TWSG1: variants seen among roughly 807,000 people sequenced by gnomAD.
TWSG1 encodes the protein twisted gastrulation protein homolog 1.
Under a neutral mutation model 23.0 loss-of-function variants are expected in TWSG1, and 15 were observed. The ratio of observed to expected loss-of-function variants is 0.65; its 90% CI spans 0.44 to 1.00. The LOEUF (loss-of-function observed/expected upper bound fraction) is 1.00. Among genes scored for constraint, TWSG1 ranks in the 50% least tolerant of loss-of-function variants. The pLI is 0.00. For missense variants in TWSG1, 242 were observed against 278.7 expected (o/e 0.87, Z 0.94); for synonymous variants, 86 against 92.8 (o/e 0.93, Z 0.42).
chr18:9,346,251 TTTTA>T (rs1468579376), intron 2 of TWSG1, among the ~76,000 whole-genome samples: 1 of 152,244 alleles, frequency 6.6e-6, no homozygotes, highest in Non-Finnish European at 1.5e-5. Flanking sequence ...GAATGTAGCC[TTTTA>T]AAAGGGGCTT....
chr18:9,391,842 C>T (rs2040714527), intron 3 of TWSG1, among the ~76,000 whole-genome samples: 1 of 152,202 alleles, frequency 6.6e-6, no homozygotes, highest in African/African-American at 2.4e-5. Flanking sequence ...CAACATTAAT[C>T]CCCTTGTACG....
Position 9,360,020 on chromosome 18 carries a change from G to GTT in TWSG1, c.172_173insTT (p.Glu58ValfsTer58), listed in dbSNP as rs1568033974. ...AGAAGGCAATTGCTCCTGCTGTAAGGAGTGCATGCTGTGTCTTGGGGCCCT... is the reference window on the plus strand; with the variant it reads ...AGAAGGCAATTGCTCCTGCTGTAAGGTTAGTGCATGCTGTGTCTTGGGGCCCT... On this transcript the variant is annotated frameshift_variant, in exon 3 of 5. Coordinates refer to ENST00000262120, the MANE Select transcript of TWSG1 (RefSeq NM_020648.6). LOFTEE classifies it high-confidence loss of function. 2 of 1,613,624 alleles carry GTT rather than the reference G, an allele frequency of 1.2e-6. No homozygotes were observed. Among genetic ancestry groups the GTT allele is most frequent in the Non-Finnish European group, 1.7e-6 (2 of 1,179,758 alleles).
intron 3 of TWSG1, among the ~76,000 whole-genome samples, chr18:9,382,814 A>AAAAAAAAAC (rs372801301): frequency 1.5e-5 from 2 of 137,064 alleles, no homozygotes; most frequent in Admixed American, 7.5e-5. Flanking sequence ...CTCAAAAAAA[A>AAAAAAAAAC]AAAAACAAAA....
intron 1 of TWSG1, among the ~76,000 whole-genome samples, chr18:9,336,884 T>C (rs1345301436): frequency 6.6e-6 from 1 of 152,210 alleles, no homozygotes; most frequent in African/African-American, 2.4e-5. Flanking sequence ...ATATAATCTT[T>C]CATTGAGAAT....
chr18:9,382,183 G>C (rs1274570120), intron 3 of TWSG1, among the ~76,000 whole-genome samples: 1 of 151,658 alleles, frequency 6.6e-6, no homozygotes, highest in Non-Finnish European at 1.5e-5. Flanking sequence ...TAACTTTTGG[G>C]AAAGTTAACC....
At chr18:9,381,649 G>A (rs2145624958) in intron 3 of TWSG1, among the ~76,000 whole-genome samples, 2 of 152,212 alleles carry the variant, frequency 1.3e-5, no homozygotes, top group South Asian at 4.1e-4. Flanking sequence ...ATTACTACTT[G>A]AACATATCCT....
chr18:9,364,477 C>T (rs1392753423), intron 3 of TWSG1, among the ~76,000 whole-genome samples: 1 of 152,094 alleles, frequency 6.6e-6, no homozygotes, highest in East Asian at 1.9e-4. Context: ...ATGACCATTG[C>T]CTGAGTCAGC....
chr18:9,398,527 G>A (rs1417890589), intron 4 of TWSG1, among the ~76,000 whole-genome samples: 5 of 151,878 alleles, frequency 3.3e-5, no homozygotes, highest in Non-Finnish European at 5.9e-5. Context: ...GCGCAATCTC[G>A]GCTCACTGCA....
At chr18:9,393,653 G>A (rs1008981772) in intron 3 of TWSG1, among the ~76,000 whole-genome samples, 4 of 152,078 alleles carry the variant, frequency 2.6e-5, no homozygotes, top group Admixed American at 6.6e-5. Context: ...GAATTCCAGG[G>A]CTCAAGTGAT....
intron 3 of TWSG1, among the ~76,000 whole-genome samples, chr18:9,375,256 G>A (rs1206344027): frequency 1.4e-5 from 2 of 147,692 alleles, no homozygotes; most frequent in Non-Finnish European, 3.0e-5. Flanking sequence ...TATATCAATA[G>A]ATGCAGAAAA....
intron 3 of TWSG1, among the ~76,000 whole-genome samples, chr18:9,366,289 A>G (rs1192937313): frequency 1.3e-5 from 2 of 152,180 alleles, no homozygotes; most frequent in Non-Finnish European, 2.9e-5. Flanking sequence ...ATACCAACTC[A>G]TAGATCCTAG....
intron 2 of TWSG1, among the ~76,000 whole-genome samples, chr18:9,340,367 CA>C (rs775837207): frequency 0.14 from 9,382 of 67,194 alleles, 126 homozygotes; most frequent in Middle Eastern, 0.31. Context: ...GACTCCATTT[CA>C]AAAAAAAAAA....
intron 2 of TWSG1, among the ~76,000 whole-genome samples, chr18:9,341,632 C>T (rs2040446620): frequency 6.6e-6 from 1 of 152,080 alleles, no homozygotes; most frequent in Non-Finnish European, 1.5e-5. Context: ...CTTCCCACTC[C>T]TGCCCTGCCA....
At position 9,388,276 on chromosome 18, in the gene TWSG1, G is replaced by C. The variant is rs1301216400; in HGVS notation, c.224-8004G>C. On this transcript the variant is annotated intron_variant, in intron 3 of 4. Transcript: ENST00000262120. ...GTCATGCCATGTGAAATGTAGCATG[G>C]TTTTCACTGTTTTATGAAGTTCAAA... is the stretch of plus-strand genomic sequence containing the variant. 1.7e-4 allele frequency: 26 copies of C among 152,178 alleles called. 1 individual carries two copies. The highest frequency in any genetic ancestry group is 3.7e-4 in the Non-Finnish European group (25 of 68,034). 9.4% of individuals were successfully genotyped at this position (152,178 alleles called of 1,614,324 possible).
Position 9,396,415 on chromosome 18 carries a change from C to T in TWSG1, c.359C>T (p.Ser120Phe). ...ACTCAGTTGAATTGGAACATCGTTTCTTTCCCTGTTGCAGAAGAACTTTCA... is the reference window on the plus strand; with the variant it reads ...ACTCAGTTGAATTGGAACATCGTTTTTTTCCCTGTTGCAGAAGAACTTTCA... ...GDTQLNWNIV[S>F]FPVAEELSHH... Residue 120 changes from serine to phenylalanine, a missense_variant, in exon 4 of 5, where the codon TCT becomes TTT. Physicochemically the swap from Ser to Phe is radical, Grantham distance 155 (BLOSUM62 -2). Coordinates refer to ENST00000262120, the MANE Select transcript of TWSG1 (RefSeq NM_020648.6). 6.2e-7 allele frequency: 1 copy of T among 1,614,186 alleles called. No individual in the cohort carries two copies. Among genetic ancestry groups the T allele is most frequent in the Non-Finnish European group, 8.5e-7 (1 of 1,180,040 alleles).
At chr18:9,336,745 T>C (rs1270301495) in intron 1 of TWSG1, among the ~76,000 whole-genome samples, 1 of 152,126 alleles carries the variant, frequency 6.6e-6, no homozygotes, top group Non-Finnish European at 1.5e-5. Flanking sequence ...TTACTGAGGG[T>C]TTAGATATAC....
Position 9,396,667 on chromosome 18 carries a change from TCA to T in TWSG1, c.490+124_490+125del, listed in dbSNP as rs2145637079. On this transcript the variant is annotated intron_variant, in intron 4 of 4. Coordinates refer to ENST00000262120, the MANE Select transcript of TWSG1 (RefSeq NM_020648.6). ...CTTTTGGTTTTGAATTTGTATCATC[TCA>T]CATAAATTCTAGACTCAATAACCCT... The T allele has an allele frequency of 8.1e-6, 10 of 1,239,554 alleles. 1 individual carries two copies. In the South Asian group the frequency reaches 1.5e-4, roughly 19 times the overall value. 76.8% of individuals were successfully genotyped at this position (1,239,554 alleles called of 1,614,324 possible).
At chr18:9,349,892 A>G (rs2040493850) in intron 2 of TWSG1, among the ~76,000 whole-genome samples, 1 of 152,214 alleles carries the variant, frequency 6.6e-6, no homozygotes, top group South Asian at 2.1e-4. Flanking sequence ...CTGTAATCCC[A>G]GCACTTTGGG....
In TWSG1 at chr18:9,396,535, C is replaced by G; in HGVS notation, c.479C>G (p.Ser160Cys). 1 of 1,611,742 alleles carries G rather than the reference C, an allele frequency of 6.2e-7. No individual in the cohort carries two copies. The highest frequency in any genetic ancestry group is 8.5e-7 in the Non-Finnish European group (1 of 1,179,774). The change falls in exon 4 of 5, where the codon TCC becomes TGC. Residue 160 changes from serine to cysteine, a missense_variant. Ser to Cys is a moderately radical substitution (Grantham distance 112). Coordinates refer to ENST00000262120, the MANE Select transcript of TWSG1 (RefSeq NM_020648.6). ...AGCAATAATGTTCACGCGCCTTATT[C>G]CAGTGACAAAGGTAACTGCCAACAG... ...VPSNNVHAPY[S>C]SDKEHMCTVV...
Sources: allele counts gnomAD v4.1 joint callset (sites outside exome capture counted in the v4.1 genomes callset), GRCh38; gene constraint gnomAD v4.1.1; transcripts MANE v1.5; gene names NCBI Gene and HGNC (gene_info 2026-07-23, HGNC 2026-07-21).